The following SLC2A1 variants were observed in gnomAD, a reference collection of about 807,000 sequenced individuals.
The protein encoded by SLC2A1 is solute carrier family 2, facilitated glucose transporter member 1.
SLC2A1 carries 4 observed loss-of-function variants against 46.6 expected under a neutral mutation model. That is an observed-to-expected ratio of 0.09 (90% CI 0.04 to 0.20). The LOEUF (loss-of-function observed/expected upper bound fraction) is 0.20. Among genes scored for constraint, SLC2A1 ranks in the 10% least tolerant of loss-of-function variants. The pLI, the probability that SLC2A1 is intolerant of heterozygous loss-of-function variation, is 1.00. For missense variants in SLC2A1, 352 were observed against 667.0 expected, an observed-to-expected ratio of 0.53 and a Z score of 5.20; for synonymous variants, 253 against 270.0, an observed-to-expected ratio of 0.94 and a Z score of 0.62.
chr1:42,936,894 C>T (rs963860775), intron 2 of SLC2A1, among the ~76,000 whole-genome samples: 1 of 152,116 alleles, frequency 6.6e-6, no homozygotes, highest in African/African-American at 2.4e-5. Flanking sequence ...CCTCCCACTC[C>T]ACTGCAACTG....
intron 1 of SLC2A1, chr1:42,952,462 T>C: frequency 2.2e-6 from 1 of 459,556 alleles, no homozygotes; most frequent in Admixed American, 2.3e-5. Context: ...ATGGTGATGA[T>C]GCCAGCCATG....
At chr1:42,955,906 T>C (rs1042442294) in intron 1 of SLC2A1, among the ~76,000 whole-genome samples, 3 of 152,160 alleles carry the variant, frequency 2.0e-5, no homozygotes, top group Non-Finnish European at 4.4e-5. Flanking sequence ...AGGAGCACAA[T>C]GGAACACGGG....
Position 42,929,100 on chromosome 1 carries a change from C to G in SLC2A1, c.973-67G>C. The G allele has an allele frequency of 6.4e-7, 1 of 1,572,682 alleles. No homozygotes were observed. The stretch of plus-strand genomic sequence containing the variant: ...CCTTCTGAACCCACCCACCCAGAGG[C>G]CTTGCCTCAAGAGCTGAGAAAGTCA... On this transcript the variant is annotated intron_variant, in intron 7 of 9. Transcript: ENST00000426263. The surrounding 1 kb of genome is among the most constrained non-coding windows in gnomAD (Gnocchi z 6.0).
Position 42,943,265 on chromosome 1 carries a change from C to T in SLC2A1, c.75G>A (p.Gln25=), listed in dbSNP as rs1557651193. The T allele has an allele frequency of 6.2e-7, 1 of 1,614,044 alleles. No individual in the cohort carries two copies. The highest frequency in any genetic ancestry group is 1.7e-5 in the Admixed American group (1 of 60,016). The change falls in exon 2 of 10, where the codon CAG becomes CAA. Residue 25 remains glutamine (Q), a synonymous_variant. Transcript: ENST00000426263. The part of the protein sequence containing the change: ...AVGGAVLGSL[Q]FGYNTGVINA... ...TGATGACTCCAGTGTTGTAGCCAAA[C>T]TGCAGGGAGCCAAGCACTGCTCCTC...
chr1:42,951,440 CAG>C (rs1029821484), intron 1 of SLC2A1, among the ~76,000 whole-genome samples: 2 of 152,082 alleles, frequency 1.3e-5, no homozygotes, highest in Admixed American at 6.5e-5. Flanking sequence ...GTTGTATGTG[CAG>C]AGAGAAACAC....
chr1:42,952,510 G>A (rs775503684), intron 1 of SLC2A1: 6 of 418,586 alleles, frequency 1.4e-5, no homozygotes, highest in South Asian at 3.4e-5. Context: ...AGCTCCAGCC[G>A]CATAAGGGCC....
At chr1:42,951,510 T>C (rs905055321) in intron 1 of SLC2A1, 2 of 217,772 alleles carry the variant, frequency 9.2e-6, no homozygotes, top group South Asian at 3.7e-4. Context: ...CAAAGAACTA[T>C]GCAGAAAGTG....
Position 42,926,625 on chromosome 1 carries a change from G to T in SLC2A1, c.*416C>A. The T allele has an allele frequency of 2.7e-6, 3 of 1,107,908 alleles. No individual in the cohort carries two copies. Among genetic ancestry groups the T allele is most frequent in the Non-Finnish European group, 3.6e-6 (3 of 835,048 alleles). 68.6% of individuals were successfully genotyped at this position (1,107,908 alleles called of 1,614,324 possible). ...TGGGATAGAAGCTTTGTAGTTCATA[G>T]TTCGATTAGTGTGTCCTTAGGACAT... On this transcript the variant is annotated 3_prime_UTR_variant, in exon 10 of 10. Coordinates refer to ENST00000426263, the MANE Select transcript of SLC2A1 (RefSeq NM_006516.4).
intron 2 of SLC2A1, 107 bp downstream of exon 2, chr1:42,943,119 G>A (rs1476103108): frequency 1.0e-5 from 8 of 775,466 alleles, no homozygotes; most frequent in African/African-American, 3.4e-5. Context: ...AGTACAGTGC[G>A]TTCATATAAA....
At position 42,948,218 on chromosome 1, in the gene SLC2A1, G is replaced by A. The variant is rs146089955; in HGVS notation, c.19-4897C>T. Among the ~76,000 whole-genome samples, 728 of 152,236 alleles carry A rather than the reference G, an allele frequency of 4.8e-3. 4 individuals are homozygous for A. Among genetic ancestry groups the A allele is most frequent in the African/African-American group, 0.017 (694 of 41,534 alleles). On this transcript the variant is annotated intron_variant, in intron 1 of 9. Transcript: ENST00000426263. ...TAAGATTCAGGACCTCTCCCCCAAC[G>A]CTCGGATGCCAGATGGCCCTGGCCA...
At chr1:42,928,751 C>G (rs1643454097) in intron 8 of SLC2A1, among the ~76,000 whole-genome samples, 181 bp downstream of exon 8, 1 of 152,080 alleles carries the variant, frequency 6.6e-6, no homozygotes, top group African/African-American at 2.4e-5. Flanking sequence ...GGAGCAAGTT[C>G]AAGAGAGGAT....
chr1:42,939,952 CAAAAAAAAAAA>C (rs33944767), intron 2 of SLC2A1, among the ~76,000 whole-genome samples: 1 of 91,626 alleles, frequency 1.1e-5, no homozygotes, highest in Non-Finnish European at 2.1e-5. Flanking sequence ...GACTCCGTCT[CAAAAAAAAAAA>C]AAAAAAAAAA....
In SLC2A1 at chr1:42,927,113, C is replaced by T; in HGVS notation, c.1407G>A (p.Gln469=). The T allele has an allele frequency of 6.2e-7, 1 of 1,614,220 alleles. No homozygotes were observed. Among genetic ancestry groups the T allele is most frequent in the Non-Finnish European group, 8.5e-7 (1 of 1,180,044 alleles). ...TCTTGTCACTTTGGCTGGCTCCCCC[C>T]TGCCGGAAGCCGGAAGCGATCTCAT... The part of the protein sequence containing the change: ...TFDEIASGFR[Q]GGASQSDKTP... The change falls in exon 10 of 10, where the codon CAG becomes CAA. Residue 469 remains glutamine, a synonymous_variant. Transcript: ENST00000426263. This position sits in a 1 kb window ranked among gnomAD's most constrained non-coding sequence, Gnocchi z 5.3.
chr1:42,941,623 G>A (rs1484933875), intron 2 of SLC2A1, among the ~76,000 whole-genome samples: 4 of 152,204 alleles, frequency 2.6e-5, no homozygotes, highest in Non-Finnish European at 4.4e-5. Flanking sequence ...TGGTTGGGAA[G>A]CTTTTAATTG....
intron 1 of SLC2A1, among the ~76,000 whole-genome samples, chr1:42,947,945 C>T (rs1643676482): frequency 6.6e-6 from 1 of 152,100 alleles, no homozygotes; most frequent in Non-Finnish European, 1.5e-5. Context: ...AATACAGCAC[C>T]CCACAAAACC....
chr1:42,941,021 G>C (rs1339590515), intron 2 of SLC2A1, among the ~76,000 whole-genome samples: 2 of 152,162 alleles, frequency 1.3e-5, no homozygotes, highest in African/African-American at 2.4e-5. Flanking sequence ...ACCCTTCTCT[G>C]TTGCCCTCGC....
At chr1:42,937,461 G>A (rs927834834) in intron 2 of SLC2A1, among the ~76,000 whole-genome samples, 1 of 152,230 alleles carries the variant, frequency 6.6e-6, no homozygotes, top group Admixed American at 6.5e-5. Context: ...CCAGCTAGGT[G>A]GCAGTTGTAG....
intron 2 of SLC2A1, 183 bp downstream of exon 2, chr1:42,943,043 T>C (rs1002371788): frequency 1.6e-6 from 1 of 643,460 alleles, no homozygotes; most frequent in Non-Finnish European, 2.8e-6. Context: ...TCTGCCACCC[T>C]GATTCCAAAG....
At chr1:42,946,074 CCT>C (rs1446340228) in intron 1 of SLC2A1, among the ~76,000 whole-genome samples, 1 of 152,108 alleles carries the variant, frequency 6.6e-6, no homozygotes, top group Non-Finnish European at 1.5e-5. Context: ...TATCACAGGC[CCT>C]GTTTTACTGA....
Sources: allele counts gnomAD v4.1 joint callset (sites outside exome capture counted in the v4.1 genomes callset), GRCh38; gene constraint gnomAD v4.1.1; non-coding constraint Gnocchi (gnomAD v3.1); transcripts MANE v1.5; gene names NCBI Gene and HGNC (gene_info 2026-07-23, HGNC 2026-07-21).